The following TUBGCP6 variants were observed in gnomAD, a reference collection of about 807,000 sequenced individuals.
TUBGCP6 encodes the protein gamma-tubulin complex component 6.
TUBGCP6 carries 161 observed loss-of-function variants against 175.8 expected under a neutral mutation model. The observed-to-expected ratio is 0.92, with a 90% CI of 0.81 to 1.04. The LOEUF (loss-of-function observed/expected upper bound fraction) is 1.04, where lower values mean the gene tolerates loss of function less well. TUBGCP6 is among the 50% of genes least tolerant of loss of function. TUBGCP6 has a pLI of 0.00. For synonymous variants in TUBGCP6, 1,173 were observed against 1,030.5 expected, an observed-to-expected ratio of 1.14 and a Z score of -2.65; for missense variants, 2,572 against 2,433.0, an observed-to-expected ratio of 1.06 and a Z score of -1.20.
In TUBGCP6 at chr22:50,232,372, AAAAAAGAAAAAG is replaced by A. The variant is rs199505423; in HGVS notation, c.1116+932_1116+943del. 4.2e-3 allele frequency among the ~76,000 whole-genome samples: 585 copies of A among 139,646 alleles called. 7 individuals carry two copies. Among genetic ancestry groups the A allele is most frequent in the African/African-American group, 0.014 (535 of 37,706 alleles). The allele number at this position is 139,646 out of a possible 152,430, so 91.6% of individuals were successfully genotyped here. A position where few individuals can be genotyped will look rare whatever the true frequency, so the allele number is the denominator to read the frequency against. ...CAGAGCGAGACTCTGTCTCAAAAAA[AAAAAAGAAAAAG>A]AAAAAGAAAAAGAAAAGAAAAAAAT... On this transcript the variant is annotated intron_variant, in intron 3 of 24. Coordinates refer to ENST00000248846, the MANE Select transcript of TUBGCP6 (RefSeq NM_020461.4).
In TUBGCP6 at chr22:50,222,035, T is replaced by C. The variant is rs757750499; in HGVS notation, c.2477A>G (p.His826Arg). Reference protein sequence around the residue: ...QEPPDVLLSVHPQVTSPGPEH... With the variant: ...QEPPDVLLSVRPQVTSPGPEH... ...TTCCACTCTGCCGCTTACCTGGGGG[T>C]GCACGCTCAAGAGGACGTCTGGCGG... is the stretch of plus-strand genomic sequence containing the variant. Residue 826 changes from histidine (H) to arginine (R), a missense_variant, in exon 15 of 25, where the codon CAC becomes CGC. His to Arg is a conservative substitution (Grantham distance 29). Transcript: ENST00000248846. 2 of 1,613,700 alleles carry C rather than the reference T, an allele frequency of 1.2e-6. No homozygotes were observed. The highest frequency in any genetic ancestry group is 2.2e-5 in the East Asian group (1 of 44,878).
chr22:50,226,354 G>T lies in TUBGCP6; in HGVS notation c.1626C>A (p.Ser542Arg), dbSNP rs747635531. The T allele has an allele frequency of 7.4e-6, 12 of 1,611,952 alleles. No homozygotes were observed. Among genetic ancestry groups the T allele is most frequent in the Non-Finnish European group, 1.0e-5 (12 of 1,179,066 alleles). The change falls in exon 8 of 25, where the codon AGC (serine) becomes AGA (arginine). Residue 542 changes from serine (S) to arginine (R), a missense_variant. By Grantham distance (110) the Ser-to-Arg change is moderately radical. Coordinates refer to ENST00000248846, the MANE Select transcript of TUBGCP6 (RefSeq NM_020461.4). Reference protein sequence around the residue: ...YTRFIHDWVYSGVFRDAYGEF... With the variant: ...YTRFIHDWVYRGVFRDAYGEF... ...CGCCATAAGCGTCTCTGAACACCCC[G>T]CTGTACACCCAGTCGTGGATGAACC...
chr22:50,227,811 C>T, intron 5 of TUBGCP6, 96 bp downstream of exon 5: 3 of 1,494,984 alleles, frequency 2.0e-6, no homozygotes, highest in Non-Finnish European at 2.7e-6. Flanking sequence ...TCTCACAGGC[C>T]CTCCTTGCCA....
intron 2 of TUBGCP6, among the ~76,000 whole-genome samples, chr22:50,237,150 C>A (rs943051016): frequency 1.3e-5 from 2 of 152,230 alleles, no homozygotes; most frequent in African/African-American, 4.8e-5. Context: ...CCAGCCCTTG[C>A]AGCTCAGCAG....
At chr22:50,240,116 G>A (rs1213468722) in intron 2 of TUBGCP6, 88 bp downstream of exon 2, 3 of 1,562,712 alleles carry the variant, frequency 1.9e-6, no homozygotes, top group Admixed American at 1.8e-5. Flanking sequence ...GGACCCCTGA[G>A]TACACAACGC....
Position 50,228,026 on chromosome 22 carries a change from G to T in TUBGCP6, c.1293C>A (p.Ala431=). The T allele has an allele frequency of 6.5e-7, 1 of 1,547,286 alleles. No individual in the cohort carries two copies. The change falls in exon 5 of 25, where the codon GCC becomes GCA. Residue 431 remains alanine, a splice_region_variant and synonymous_variant. Coordinates refer to ENST00000248846, the MANE Select transcript of TUBGCP6 (RefSeq NM_020461.4). ...GGTACCTCCTCAGGCCACTGGTGAA[G>T]GCCTGTGGGCAAAGAGGCTGGGAGG... The part of the protein sequence containing the change: ...SLYSKGLVFQ[A]FTSGLRRYLQ...
intron 5 of TUBGCP6, 92 bp from the exon 6 acceptor site, chr22:50,227,169 G>C: frequency 8.7e-7 from 1 of 1,148,612 alleles, no homozygotes; most frequent in East Asian, 2.6e-5. Flanking sequence ...GTATCTTTAT[G>C]CTCCCTGGGG....
chr22:50,220,276 C>T lies in TUBGCP6; in HGVS notation c.4083G>A (p.Pro1361=), dbSNP rs550773306. The T allele has an allele frequency of 1.5e-5, 23 of 1,569,568 alleles. No individual in the cohort carries two copies. The highest frequency in any genetic ancestry group is 4.5e-5 in the East Asian group (2 of 44,300). Residue 1361 remains proline (P), a synonymous_variant, in exon 16 of 25, where the codon CCG becomes CCA. Transcript: ENST00000248846. Reference sequence around the variant, plus strand: ...CTAGTTCTTCAGAGACACTGTCTCCCGGGGTGTTGGGCCACCATGGTTGGG... The same window carrying T: ...CTAGTTCTTCAGAGACACTGTCTCCTGGGGTGTTGGGCCACCATGGTTGGG... ...APTQPWWPNT[P]GDSVSEELGP...
At position 50,228,012 on chromosome 22, in the gene TUBGCP6, A is replaced by C; in HGVS notation, c.1307T>G (p.Leu436Arg). 1.3e-6 allele frequency: 2 copies of C among 1,561,844 alleles called. No homozygotes were observed. The highest frequency in any genetic ancestry group is 8.7e-7 in the Non-Finnish European group (1 of 1,152,972). The change falls in exon 5 of 25, where the codon CTG becomes CGG. Residue 436 changes from leucine (L) to arginine (R), a missense_variant. By Grantham distance (102) the Leu-to-Arg change is moderately radical. Transcript: ENST00000248846. ...CCGGTAATACTGCAGGTACCTCCTC[A>C]GGCCACTGGTGAAGGCCTGTGGGCA... The part of the protein sequence containing the change: ...GLVFQAFTSG[L>R]RRYLQYYRAC...
chr22:50,235,856 CT>C (rs1221455472), intron 2 of TUBGCP6, among the ~76,000 whole-genome samples: 1 of 151,218 alleles, frequency 6.6e-6, no homozygotes, highest in East Asian at 2.0e-4. Flanking sequence ...AGGAGAATGG[CT>C]TGAACCCGGG....
chr22:50,238,163 C>A (rs1469715667), intron 2 of TUBGCP6, among the ~76,000 whole-genome samples: 1 of 150,198 alleles, frequency 6.7e-6, no homozygotes. Flanking sequence ...GAGAGACAGA[C>A]AGACAGACTT....
Position 50,244,239 on chromosome 22 carries a change from G to A in TUBGCP6, c.221C>T (p.Ser74Phe), listed in dbSNP as rs1248236855. The change falls in exon 1 of 25, where the codon TCC becomes TTC. Residue 74 changes from serine to phenylalanine, a missense_variant. Transcript: ENST00000248846. ...LPARNKILML[S>F]FDLRVGGLGP... is the part of the protein sequence containing the mutation. ...CAGGCCACCCACTCTCAAGTCAAAG[G>A]ACAACATGAGGATCTTGTTTCTCGC... is the stretch of plus-strand genomic sequence containing the variant. The A allele has an allele frequency of 1.7e-5, 28 of 1,613,356 alleles. No homozygotes were observed. Among genetic ancestry groups the A allele is most frequent in the Non-Finnish European group, 2.2e-5 (26 of 1,180,040 alleles).
intron 2 of TUBGCP6, among the ~76,000 whole-genome samples, chr22:50,237,862 C>T (rs1283269524): frequency 6.6e-6 from 1 of 152,194 alleles, no homozygotes; most frequent in Admixed American, 6.5e-5. Flanking sequence ...GTGGCTCATG[C>T]CTGTAATCCC....
chr22:50,217,848 C>T (rs766814239), intron 24 of TUBGCP6, 21 bp from the exon 25 acceptor site: 1 of 1,612,792 alleles, frequency 6.2e-7, no homozygotes. Context: ...GCGAGCAGCT[C>T]AGGCTTTTGC....
At chr22:50,229,674 C>T (rs933388826) in intron 3 of TUBGCP6, 97 bp from the exon 4 acceptor site, 13 of 1,310,848 alleles carry the variant, frequency 9.9e-6, no homozygotes, top group African/African-American at 5.9e-5. Flanking sequence ...CCCCACGCCA[C>T]CTAGAGTGCC....
chr22:50,227,571 C>T (rs2064630614), intron 5 of TUBGCP6, among the ~76,000 whole-genome samples: 1 of 152,224 alleles, frequency 6.6e-6, no homozygotes, highest in South Asian at 2.1e-4. Flanking sequence ...TCTTCCTTCT[C>T]TGATGGCACC....
rs765823423 is a variant in TUBGCP6 at position 50,217,761 on chromosome 22, A to T, written c.5435T>A (p.Phe1812Tyr). Residue 1812 changes from phenylalanine to tyrosine, a missense_variant, in exon 25 of 25, where the codon TTC (phenylalanine) becomes TAC (tyrosine). Transcript: ENST00000248846. ...HLEDFLLRIN[F>Y]NNYYQDA ...TCAGGCGTCCTGGTAGTAGTTGTTG[A>T]AGTTGATGCGCAGCAGAAAGTCCTC... 2.5e-6 allele frequency: 4 copies of T among 1,613,840 alleles called. No individual in the cohort carries two copies. Among genetic ancestry groups the T allele is most frequent in the Non-Finnish European group, 3.4e-6 (4 of 1,179,952 alleles).
chr22:50,237,076 G>C (rs376952638), intron 2 of TUBGCP6, among the ~76,000 whole-genome samples: 1 of 152,236 alleles, frequency 6.6e-6, no homozygotes, highest in Non-Finnish European at 1.5e-5. Context: ...GCTTCCCCCA[G>C]ATGGGTGGCA....
At position 50,224,356 on chromosome 22, in the gene TUBGCP6, T is replaced by G; in HGVS notation, c.2130A>C (p.Lys710Asn). Residue 710 changes from lysine (K) to asparagine (N), a missense_variant, in exon 12 of 25, where the codon AAA (lysine) becomes AAC (asparagine). Lys to Asn is a moderately conservative substitution (Grantham distance 94). Coordinates refer to ENST00000248846, the MANE Select transcript of TUBGCP6 (RefSeq NM_020461.4). ...ARKREQFQRL[K>N]EQFVKDQERR... ...CCTCCTGGTCCTTCACAAATTGTTC[T>G]TTCAGCCTCTGAAACTGCTCACGCT... 6.2e-7 allele frequency: 1 copy of G among 1,614,260 alleles called. No individual in the cohort carries two copies. Among genetic ancestry groups the G allele is most frequent in the Non-Finnish European group, 8.5e-7 (1 of 1,180,042 alleles).
Sources: gnomAD v4.1 joint callset for allele counts (sites outside exome capture counted in the v4.1 genomes callset) on GRCh38, gnomAD v4.1.1 for gene constraint, MANE v1.5 for transcripts, NCBI Gene and HGNC (gene_info 2026-07-23, HGNC 2026-07-21) for gene names.